The following LRP1B variants were observed in gnomAD, a reference collection of about 807,000 sequenced individuals.
The protein encoded by LRP1B is LDL receptor related protein 1B.
In LRP1B, 217 loss-of-function variants were observed where a neutral mutation model predicts 556.6. That is an observed-to-expected ratio of 0.39 (90% CI 0.35 to 0.44). The LOEUF (loss-of-function observed/expected upper bound fraction) is 0.44. Among genes scored for constraint, LRP1B ranks in the 20% least tolerant of loss-of-function variants. The pLI is 1.00. For synonymous variants in LRP1B, 2,047 were observed against 1,865.8 expected, an observed-to-expected ratio of 1.10 and a Z score of -2.50; for missense variants, 5,053 against 5,620.8, an observed-to-expected ratio of 0.90 and a Z score of 3.23.
At chr2:140,988,184 T>C (rs924777020) in intron 17 of LRP1B, among the ~76,000 whole-genome samples, 6 of 152,042 alleles carry the variant, frequency 3.9e-5, no homozygotes, top group African/African-American at 1.4e-4. Flanking sequence ...TTACCAATGA[T>C]GTTAAGTTTA....
chr2:140,890,883 T>C (rs1455873276), intron 23 of LRP1B, among the ~76,000 whole-genome samples: 1 of 152,118 alleles, frequency 6.6e-6, no homozygotes. Context: ...TGAAGAATTT[T>C]CTAGTTTGTT....
chr2:141,541,479 C>A (rs560007863), intron 2 of LRP1B, among the ~76,000 whole-genome samples: 2 of 152,000 alleles, frequency 1.3e-5, no homozygotes, highest in African/African-American at 2.4e-5. Flanking sequence ...CAATGTCCAG[C>A]GTGTTCATGA....
chr2:140,739,362 CAAA>C (rs56217594), intron 35 of LRP1B, among the ~76,000 whole-genome samples: 57,659 of 146,866 alleles, frequency 0.39, 11,221 homozygotes, highest in East Asian at 0.58. Context: ...TGCAAAGAGT[CAAA>C]AAAAAAAAAA....
intron 72 of LRP1B, among the ~76,000 whole-genome samples, chr2:140,363,390 C>T (rs1236135381): frequency 6.6e-6 from 1 of 151,466 alleles, no homozygotes; most frequent in East Asian, 1.9e-4. Context: ...GAGAATATGA[C>T]TCTGCAGCTG....
At chr2:141,230,509 C>A (rs1231600434) in intron 5 of LRP1B, among the ~76,000 whole-genome samples, 1 of 152,178 alleles carries the variant, frequency 6.6e-6, no homozygotes, top group Non-Finnish European at 1.5e-5. Flanking sequence ...TCACTCAGTC[C>A]CTCAAAGGGC....
chr2:140,238,032 C>G (rs1680788000), intron 89 of LRP1B, 120 bp downstream of exon 89: 3 of 816,310 alleles, frequency 3.7e-6, no homozygotes, highest in Non-Finnish European at 5.6e-6. Flanking sequence ...TTCAATACAT[C>G]CTAAAGTCCC....
chr2:140,788,019 C>A (rs1326856053), intron 32 of LRP1B, among the ~76,000 whole-genome samples: 3 of 152,128 alleles, frequency 2.0e-5, no homozygotes, highest in Non-Finnish European at 4.4e-5. Flanking sequence ...TGGAAGCACA[C>A]AAACTTGGTG....
chr2:140,324,934 G>T (rs1033205675), intron 80 of LRP1B, among the ~76,000 whole-genome samples: 2 of 147,610 alleles, frequency 1.4e-5, no homozygotes, highest in Non-Finnish European at 3.0e-5. Flanking sequence ...TTTAGGCAAA[G>T]GCACAATAAA....
At chr2:141,284,127 T>C (rs1685615586) in intron 3 of LRP1B, among the ~76,000 whole-genome samples, 1 of 152,086 alleles carries the variant, frequency 6.6e-6, no homozygotes, top group Admixed American at 6.6e-5. Context: ...TGCACAGTGG[T>C]CTCAATTTCC....
chr2:140,966,543 T>G (rs1696228445), intron 18 of LRP1B, among the ~76,000 whole-genome samples: 1 of 152,168 alleles, frequency 6.6e-6, no homozygotes. Context: ...GCAGAAGCTC[T>G]TTAATTAGAT....
chr2:140,419,449 A>G (rs1685340971), intron 66 of LRP1B, among the ~76,000 whole-genome samples: 1 of 152,174 alleles, frequency 6.6e-6, no homozygotes, highest in Non-Finnish European at 1.5e-5. Flanking sequence ...ATTATCAACT[A>G]ATTTGTTATC....
chr2:141,968,873 C>T (rs1175460690), intron 1 of LRP1B, among the ~76,000 whole-genome samples: 4 of 151,662 alleles, frequency 2.6e-5, no homozygotes, highest in Admixed American at 6.6e-5. Flanking sequence ...CATTATTAAT[C>T]GGCTCTCAAA....
At chr2:140,870,306 G>A (rs898616718) in intron 25 of LRP1B, among the ~76,000 whole-genome samples, 3 of 152,104 alleles carry the variant, frequency 2.0e-5, no homozygotes, top group African/African-American at 4.8e-5. Flanking sequence ...CCACTCAGAG[G>A]TCAGAGGAAC....
chr2:141,538,635 C>CT (rs1559127939), intron 2 of LRP1B, among the ~76,000 whole-genome samples: 1 of 63,298 alleles, frequency 1.6e-5, no homozygotes. Flanking sequence ...CTGAAAAAAA[C>CT]TTCTTTTTTT....
intron 66 of LRP1B, among the ~76,000 whole-genome samples, chr2:140,434,102 C>T (rs1236941110): frequency 1.3e-5 from 2 of 151,770 alleles, no homozygotes; most frequent in African/African-American, 4.8e-5. Context: ...TGGAATCTCA[C>T]TCTGTCACCC....
chr2:141,093,074 G>A (rs1574065949), intron 7 of LRP1B, among the ~76,000 whole-genome samples: 1 of 151,660 alleles, frequency 6.6e-6, no homozygotes, highest in South Asian at 2.1e-4. Context: ...AACACATTAG[G>A]GGAAATTATG....
intron 2 of LRP1B, among the ~76,000 whole-genome samples, chr2:141,510,060 G>GA (rs796163377): frequency 4.0e-5 from 6 of 151,424 alleles, no homozygotes; most frequent in African/African-American, 9.7e-5. Flanking sequence ...TGACAATTCA[G>GA]AAAAAAAAGT....
At chr2:141,778,208 T>C (rs1302780081) in intron 2 of LRP1B, among the ~76,000 whole-genome samples, 3 of 152,242 alleles carry the variant, frequency 2.0e-5, no homozygotes, top group Non-Finnish European at 4.4e-5. Flanking sequence ...CTAGGATGAA[T>C]AAGAATAGGT....
At chr2:141,453,517 C>G (rs535300953) in intron 3 of LRP1B, among the ~76,000 whole-genome samples, 1 of 152,264 alleles carries the variant, frequency 6.6e-6, no homozygotes, top group South Asian at 2.1e-4. Context: ...AATGCCTATT[C>G]AGGTAATGTT....
Sources: gnomAD v4.1 joint callset for allele counts (sites outside exome capture counted in the v4.1 genomes callset) on GRCh38, gnomAD v4.1.1 for gene constraint, MANE v1.5 for transcripts, NCBI Gene and HGNC (gene_info 2026-07-23, HGNC 2026-07-21) for gene names.